Variants in ANKRD36 observed in about 807,000 individuals in gnomAD.
The protein encoded by ANKRD36 is ankyrin repeat domain-containing protein 36A.
A neutral mutation model predicts 278.1 loss-of-function variants in ANKRD36; 179 were observed. The ratio of observed to expected loss-of-function variants is 0.64; its 90% CI spans 0.57 to 0.73. ANKRD36 has a LOEUF of 0.73. Ranked by LOEUF, ANKRD36 falls within the 30% of genes least tolerant of loss-of-function variation. The pLI, the probability that ANKRD36 is intolerant of heterozygous loss-of-function variation, is 0.00. For missense variants in ANKRD36, 1,159 were observed against 1,956.7 expected (o/e 0.59, Z 7.69); for synonymous variants, 320 against 641.1 (o/e 0.50, Z 7.57).
In ANKRD36 at chr2:97,217,461, A is replaced by G. The variant is rs2066248500; in HGVS notation, c.3775+89A>G. On this transcript the variant is annotated intron_variant, in intron 64 of 75. Transcript: ENST00000420699. ...GAATAGATCAGCAGGGTGCTCATTG[A>G]AAATGCACTTTCTGATTCAGCAGGC... is the stretch of plus-strand genomic sequence containing the variant. 4 of 1,528,430 alleles carry G rather than the reference A, an allele frequency of 2.6e-6. No individual in the cohort carries two copies. The Admixed American group carries it at 6.4e-5, about 24-fold the overall frequency. 94.7% of individuals were successfully genotyped at this position (1,528,430 alleles called of 1,614,324 possible).
In ANKRD36 at chr2:97,118,070, C is replaced by A. The variant is rs1191150815; in HGVS notation, c.204C>A (p.Ala68=). ...ANKRDRKERT[A]LHLACATGQP... is the part of the protein sequence containing the mutation. The stretch of plus-strand genomic sequence containing the variant: ...AGTCCTGTCACTCTCACAGGACCGC[C>A]CTACATTTGGCCTGTGCCACTGGCC... The change falls in exon 2 of 76, where the codon GCC becomes GCA. Residue 68 remains alanine, a synonymous_variant. Coordinates refer to ENST00000420699, the MANE Select transcript of ANKRD36 (RefSeq NM_001354587.1). 1 of 1,553,724 alleles carries A rather than the reference C, an allele frequency of 6.4e-7. No homozygotes were observed. Among genetic ancestry groups the A allele is most frequent in the Non-Finnish European group, 8.7e-7 (1 of 1,147,980 alleles).
chr2:97,160,018 C>A (rs1387526007), intron 17 of ANKRD36, among the ~76,000 whole-genome samples: 162 of 147,456 alleles, frequency 1.1e-3, no homozygotes, highest in Non-Finnish European at 1.7e-3. Flanking sequence ...CTCCTGACCT[C>A]GTGATCTGCC....
At chr2:97,220,241 A>G (rs371280178) in intron 66 of ANKRD36, among the ~76,000 whole-genome samples, 1,909 of 148,214 alleles carry the variant, frequency 0.013, 54 homozygotes, top group African/African-American at 0.038. Context: ...TCTTTGTGCT[A>G]TCTTTTCATT....
At chr2:97,211,460 A>G (rs1285212991) in intron 56 of ANKRD36, 86 bp from the exon 57 acceptor site, 1 of 1,554,516 alleles carries the variant, frequency 6.4e-7, no homozygotes, top group East Asian at 2.4e-5. Context: ...GCTGGGGGAC[A>G]GAGTTTGATG....
At position 97,168,717 on chromosome 2, in the gene ANKRD36, C is replaced by G. The variant is rs1308239717; in HGVS notation, c.1633+950C>G. Among the ~76,000 whole-genome samples the G allele has an allele frequency of 9.9e-5, 15 of 151,238 alleles. No individual in the cohort carries two copies. The South Asian group carries it at 1.1e-3, about 11-fold the overall frequency. ...GTGAGAAAATGTGGCATTTGGTTTT[C>G]TTTTCCTGTGTTAGTTTGCTGAGAA... is the stretch of plus-strand genomic sequence containing the variant. On this transcript the variant is annotated intron_variant, in intron 22 of 75. Transcript: ENST00000420699.
At chr2:97,146,310 G>A (rs551233337) in intron 10 of ANKRD36, among the ~76,000 whole-genome samples, 176 bp from the exon 11 acceptor site, 21 of 150,798 alleles carry the variant, frequency 1.4e-4, no homozygotes, top group East Asian at 1.4e-3. Flanking sequence ...TAAAGATAGC[G>A]TGTTTCTGTG....
intron 3 of ANKRD36, 128 bp downstream of exon 3, chr2:97,118,645 C>T (rs1574498714): frequency 3.8e-6 from 3 of 779,504 alleles, no homozygotes; most frequent in South Asian, 5.0e-5. Flanking sequence ...TTTGAAATGC[C>T]TTAACTGTCT....
At chr2:97,229,287 T>A (rs1303564092) in intron 67 of ANKRD36, among the ~76,000 whole-genome samples, 4 of 151,682 alleles carry the variant, frequency 2.6e-5, no homozygotes, top group South Asian at 4.3e-4. Context: ...TCTTTGTAGG[T>A]CACTCAGGAC....
chr2:97,184,910 G>C (rs1437819692), intron 28 of ANKRD36, among the ~76,000 whole-genome samples: 1 of 151,736 alleles, frequency 6.6e-6, no homozygotes, highest in Admixed American at 6.6e-5. Context: ...ATGAATGTTT[G>C]TAGTATAGTA....
At chr2:97,127,903 A>G (rs1203475066) in intron 6 of ANKRD36, among the ~76,000 whole-genome samples, 1 of 152,030 alleles carries the variant, frequency 6.6e-6, no homozygotes, top group Non-Finnish European at 1.5e-5. Context: ...TGAAGAGGCC[A>G]TGTTGATCTA....
chr2:97,222,270 T>A (rs547982881), intron 66 of ANKRD36, among the ~76,000 whole-genome samples: 1 of 152,114 alleles, frequency 6.6e-6, no homozygotes, highest in East Asian at 2.0e-4. Flanking sequence ...GGGCTCTTTT[T>A]TGGTTCCATA....
intron 40 of ANKRD36, among the ~76,000 whole-genome samples, chr2:97,195,128 T>C (rs1458455025): frequency 6.6e-6 from 1 of 151,948 alleles, no homozygotes; most frequent in Non-Finnish European, 1.5e-5. Flanking sequence ...ACATTACAAT[T>C]GGGAGGAAGA....
chr2:97,146,568 G>C, intron 11 of ANKRD36, 52 bp downstream of exon 11: 2 of 1,415,666 alleles, frequency 1.4e-6, no homozygotes, highest in Non-Finnish European at 9.5e-7. Flanking sequence ...TTAATAGAGA[G>C]AATAGAAACT....
At chr2:97,165,415 A>G (rs75960942) in intron 20 of ANKRD36, among the ~76,000 whole-genome samples, 409 of 68,872 alleles carry the variant, frequency 5.9e-3, no homozygotes, top group South Asian at 0.013. Flanking sequence ...ATGATGACAT[A>G]CCAACATAGA....
chr2:97,159,731 TA>T lies in ANKRD36; in HGVS notation c.1389+1082del, dbSNP rs906810498. ...GGAAAATAAATAAGTAATTAAATAA[TA>T]AAAAATAATAAAAATTAATTAATAC... On this transcript the variant is annotated intron_variant, in intron 17 of 75. Transcript: ENST00000420699. Among the ~76,000 whole-genome samples, 9 of 150,914 alleles carry T rather than the reference TA, an allele frequency of 6.0e-5. 1 individual carries two copies. Among genetic ancestry groups the T allele is most frequent in the South Asian group, 2.1e-4 (1 of 4,776 alleles).
At chr2:97,209,585 G>A in intron 54 of ANKRD36, 96 bp from the exon 55 acceptor site, 3 of 1,569,350 alleles carry the variant, frequency 1.9e-6, no homozygotes, top group Non-Finnish European at 2.6e-6. Flanking sequence ...ACTAATACAG[G>A]CAGGAGGACA....
rs755834851 is a variant in ANKRD36, at chr2:97,187,391, A to G, written c.2133A>G (p.Lys711=). The G allele has an allele frequency of 1.3e-6, 2 of 1,559,468 alleles. No individual in the cohort carries two copies. Among genetic ancestry groups the G allele is most frequent in the Non-Finnish European group, 1.7e-6 (2 of 1,147,626 alleles). The change falls in exon 32 of 76, where the codon AAA becomes AAG. Residue 711 remains lysine (K), a synonymous_variant. Coordinates refer to ENST00000420699, the MANE Select transcript of ANKRD36 (RefSeq NM_001354587.1). ...NIATEIKDGE[K]SGTVSSQKQP... ...CCACAGAAATAAAGGATGGAGAAAAATCTGGGACAGGTAATTTTGCAAAAC... is the reference window on the plus strand; with the variant it reads ...CCACAGAAATAAAGGATGGAGAAAAGTCTGGGACAGGTAATTTTGCAAAAC...
chr2:97,134,839 C>T (rs1219230124), intron 6 of ANKRD36, among the ~76,000 whole-genome samples: 2 of 152,062 alleles, frequency 1.3e-5, no homozygotes, highest in Non-Finnish European at 2.9e-5. Context: ...GTAAGCTTCT[C>T]TCTGACAAGG....
intron 17 of ANKRD36, among the ~76,000 whole-genome samples, chr2:97,159,507 A>G (rs1238764359): frequency 1.3e-5 from 2 of 151,830 alleles, no homozygotes; most frequent in Non-Finnish European, 2.9e-5. Context: ...CTTATATTTT[A>G]TCTAGTGAAT....
Sources: allele counts gnomAD v4.1 joint callset (sites outside exome capture counted in the v4.1 genomes callset), GRCh38; gene constraint gnomAD v4.1.1; transcripts MANE v1.5; gene names NCBI Gene and HGNC (gene_info 2026-07-23, HGNC 2026-07-21).